Variants in ULK2 observed in about 807,000 individuals in gnomAD.
ULK2 encodes the protein unc-51 like autophagy activating kinase 2, also known as serine/threonine-protein kinase ULK2.
A neutral mutation model predicts 127.5 loss-of-function variants in ULK2; 76 were observed. That is an observed-to-expected ratio of 0.60 (90% CI 0.50 to 0.72). ULK2 has a LOEUF of 0.72. Ranked by LOEUF, ULK2 falls within the 30% of genes least tolerant of loss-of-function variation. The probability of loss-of-function intolerance (pLI) is 0.00; values close to 1 mark genes in which losing one functional copy is unlikely to be tolerated. For synonymous variants in ULK2, 452 were observed against 461.9 expected, an observed-to-expected ratio of 0.98 and a Z score of 0.28; for missense variants, 1,144 against 1,295.9, an observed-to-expected ratio of 0.88 and a Z score of 1.80.
Position 19,846,762 on chromosome 17 carries a change from A to G in ULK2, c.444T>C (p.Ser148=). 2 of 1,611,430 alleles carry G rather than the reference A, an allele frequency of 1.2e-6. No individual in the cohort carries two copies. Among genetic ancestry groups the G allele is most frequent in the Non-Finnish European group, 1.7e-6 (2 of 1,179,010 alleles). ...LLSYANRRKS[S]VSGIRIKIAD... ...CTATTTTGATGCGAATACCACTGAC[A>G]CTTGATTTTCTGCGATTGGCATAGG... is the stretch of plus-strand genomic sequence containing the variant. Residue 148 remains serine (S), a synonymous_variant, in exon 6 of 27, where the codon AGT becomes AGC. Transcript: ENST00000395544.
chr17:19,782,033 A>G lies in ULK2; in HGVS notation c.2495T>C (p.Val832Ala), dbSNP rs547164825. The change falls in exon 23 of 27, where the codon GTG (valine) becomes GCG (alanine). Residue 832 changes from valine (V) to alanine (A), a missense_variant. Val to Ala is a moderately conservative substitution (Grantham distance 64, BLOSUM62 0). Around this residue, in one of 2 missense-constraint regions of ULK2, gnomAD observed 913 missense variants for 970.5 expected, o/e 0.94. Transcript: ENST00000395544. Reference sequence around the variant, plus strand: ...CACACACTCAGTGAACATCAGCATCACATTCAGATGGCGTAAGGTGTCTGT... The same window carrying G: ...CACACACTCAGTGAACATCAGCATCGCATTCAGATGGCGTAAGGTGTCTGT... ...EHTDTLRHLN[V>A]MLMFTECVLD... The G allele has an allele frequency of 3.2e-5, 51 of 1,614,080 alleles. No individual in the cohort carries two copies. Among genetic ancestry groups the G allele is most frequent in the Non-Finnish European group, 4.2e-5 (50 of 1,180,040 alleles).
chr17:19,790,692 C>G (rs1264108353), intron 20 of ULK2, among the ~76,000 whole-genome samples: 1 of 152,108 alleles, frequency 6.6e-6, no homozygotes, highest in Admixed American at 6.5e-5. Flanking sequence ...AACTCTTCAG[C>G]CATGAGTTAA....
chr17:19,849,460 C>A, intron 4 of ULK2, 55 bp from the exon 5 acceptor site: 1 of 1,483,668 alleles, frequency 6.7e-7, no homozygotes, highest in South Asian at 1.2e-5. Context: ...AAGATTAATT[C>A]AATCCATTCT....
At chr17:19,851,796 G>A (rs999804974) in intron 3 of ULK2, among the ~76,000 whole-genome samples, 7 of 151,916 alleles carry the variant, frequency 4.6e-5, no homozygotes, top group African/African-American at 1.7e-4. Context: ...AGGCCAAGGC[G>A]GGTCGGATTA....
At position 19,843,227 on chromosome 17, in the gene ULK2, G is replaced by A; in HGVS notation, c.544-5C>T. 1 of 1,540,398 alleles carries A rather than the reference G, an allele frequency of 6.5e-7. No individual in the cohort carries two copies. The highest frequency in any genetic ancestry group is 8.7e-7 in the Non-Finnish European group (1 of 1,151,132). ...AGACATAATAACCTCAGGAGCCTGG[G>A]AACAGAAAAATTTAAGGGGCATGCC... On this transcript the variant is annotated splice_polypyrimidine_tract_variant and splice_region_variant and intron_variant, in intron 7 of 26. Coordinates refer to ENST00000395544, the MANE Select transcript of ULK2 (RefSeq NM_014683.4).
At chr17:19,782,121 C>T in intron 22 of ULK2, 54 bp from the exon 23 acceptor site, 1 of 1,543,710 alleles carries the variant, frequency 6.5e-7, no homozygotes, top group Non-Finnish European at 8.9e-7. Flanking sequence ...TACGTACATA[C>T]TCATTTCTGT....
intron 20 of ULK2, among the ~76,000 whole-genome samples, chr17:19,788,085 C>T (rs1178256183): frequency 6.6e-6 from 1 of 152,156 alleles, no homozygotes; most frequent in Non-Finnish European, 1.5e-5. Flanking sequence ...TTCTGCAAGC[C>T]TCACCACCAC....
At chr17:19,825,650 T>TGTG (rs2041270277) in intron 11 of ULK2, among the ~76,000 whole-genome samples, 1 of 150,114 alleles carries the variant, frequency 6.7e-6, no homozygotes, top group East Asian at 2.0e-4. Flanking sequence ...GCAGAGGTTG[T>TGTG]ACCACTGCAC....
In ULK2 at chr17:19,783,697, C is replaced by G; in HGVS notation, c.2460G>C (p.Glu820Asp). ...APELPEETLM[E>D]REHTDTLRHL... ...CACACCACTATAGTCTCTTTTCTACCTCCATCAGCGTCTCCTCCGGCAGTT... is the reference window on the plus strand; with the variant it reads ...CACACCACTATAGTCTCTTTTCTACGTCCATCAGCGTCTCCTCCGGCAGTT... The change falls in exon 22 of 27, where the codon GAG (glutamate) becomes GAC (aspartate). Residue 820 changes from glutamate to aspartate, a missense_variant and splice_region_variant. Coordinates refer to ENST00000395544, the MANE Select transcript of ULK2 (RefSeq NM_014683.4). The G allele has an allele frequency of 6.6e-7, 1 of 1,517,160 alleles. No individual in the cohort carries two copies. The highest frequency in any genetic ancestry group is 8.8e-7 in the Non-Finnish European group (1 of 1,130,092). 94.0% of individuals were successfully genotyped at this position (1,517,160 alleles called of 1,614,324 possible).
intron 1 of ULK2, among the ~76,000 whole-genome samples, chr17:19,866,610 G>A (rs2042356328): frequency 1.3e-5 from 2 of 152,184 alleles, no homozygotes; most frequent in African/African-American, 4.8e-5. Flanking sequence ...AATCAGAACT[G>A]CCACACCCTT....
intron 9 of ULK2, among the ~76,000 whole-genome samples, chr17:19,841,113 A>C (rs2041741828): frequency 6.6e-6 from 1 of 152,166 alleles, no homozygotes; most frequent in South Asian, 2.1e-4. Flanking sequence ...AAACACGTAT[A>C]AAGAACACCC....
chr17:19,801,101 T>C (rs952494961), intron 16 of ULK2, among the ~76,000 whole-genome samples: 2 of 151,098 alleles, frequency 1.3e-5, no homozygotes, highest in South Asian at 2.1e-4. Flanking sequence ...AGAGCTGCTA[T>C]ACAGTAATCC....
Position 19,782,059 on chromosome 17 carries a change from G to A in ULK2, c.2469C>T (p.His823=). 1 of 1,613,590 alleles carries A rather than the reference G, an allele frequency of 6.2e-7. No homozygotes were observed. Among genetic ancestry groups the A allele is most frequent in the Admixed American group, 1.7e-5 (1 of 59,868 alleles). Reference sequence around the variant, plus strand: ...CATTCAGATGGCGTAAGGTGTCTGTGTGTTCCCGCTGCAGCAAAGTCAATT... The same window carrying A: ...CATTCAGATGGCGTAAGGTGTCTGTATGTTCCCGCTGCAGCAAAGTCAATT... ...LPEETLMERE[H]TDTLRHLNVM... Residue 823 remains histidine (H), a synonymous_variant, in exon 23 of 27, where the codon CAC becomes CAT. Transcript: ENST00000395544.
chr17:19,771,827 G>C lies in ULK2; in HGVS notation c.*4522C>G, dbSNP rs1449612631. 1 of 152,212 alleles carries C rather than the reference G, an allele frequency of 6.6e-6. No individual in the cohort carries two copies. Among genetic ancestry groups the C allele is most frequent in the Non-Finnish European group, 1.5e-5 (1 of 68,058 alleles). The allele number at this position is 152,212 out of a possible 1,614,324, so 9.4% of individuals were successfully genotyped here. A position where few individuals can be genotyped will look rare whatever the true frequency, so the allele number is the denominator to read the frequency against. On this transcript the variant is annotated 3_prime_UTR_variant, in exon 27 of 27. Coordinates refer to ENST00000395544, the MANE Select transcript of ULK2 (RefSeq NM_014683.4). ...AAACCCCAAAGGAGGCATAGAACAC[G>C]GTTTCCAATAAACAAGAGCTCATGT...
At chr17:19,848,304 C>T (rs906185811) in intron 5 of ULK2, 1 of 152,150 alleles carries the variant, frequency 6.6e-6, no homozygotes. Context: ...ATTCGTGATG[C>T]ATGTCTGTCC....
At chr17:19,782,416 C>A (rs1230493090) in intron 22 of ULK2, among the ~76,000 whole-genome samples, 2 of 152,176 alleles carry the variant, frequency 1.3e-5, no homozygotes, top group African/African-American at 4.8e-5. Context: ...TACAAGGATA[C>A]TATAGGTGCT....
At position 19,804,236 on chromosome 17, in the gene ULK2, GA is replaced by G. The variant is rs5819689; in HGVS notation, c.1295+456del. On this transcript the variant is annotated intron_variant, in intron 15 of 26. Transcript: ENST00000395544. ...CGTCTCTAAAAGCACAAAAGAAAAA[GA>G]AAAAAAAAAAGAATAATCTATTCTT... Among the ~76,000 whole-genome samples the G allele has an allele frequency of 1.1e-4, 16 of 147,714 alleles. 1 individual carries two copies. Among genetic ancestry groups the G allele is most frequent in the African/African-American group, 3.7e-4 (15 of 40,308 alleles).
Position 19,785,663 on chromosome 17 carries a change from A to C in ULK2, c.2251+274T>G, listed in dbSNP as rs189508297. On this transcript the variant is annotated intron_variant, in intron 21 of 26. Transcript: ENST00000395544. The stretch of plus-strand genomic sequence containing the variant: ...GCTTCTTCACGAAGAAGTCATATTT[A>C]TACTATATGTCATTTTGTAAAAACA... 8.0e-3 allele frequency among the ~76,000 whole-genome samples: 1,222 copies of C among 152,164 alleles called. 6 individuals carry two copies. Among genetic ancestry groups the C allele is most frequent in the Non-Finnish European group, 0.013 (869 of 68,004 alleles).
chr17:19,826,292 T>C, intron 10 of ULK2, 106 bp from the exon 11 acceptor site: 1 of 563,980 alleles, frequency 1.8e-6, no homozygotes, highest in Non-Finnish European at 3.0e-6. Flanking sequence ...AGATCAGAAT[T>C]TAACTTCTTT....
Sources: gnomAD v4.1 joint callset for allele counts (sites outside exome capture counted in the v4.1 genomes callset) on GRCh38, gnomAD v4.1.1 for gene constraint, gnomAD v4.1.1 regional missense constraint, MANE v1.5 for transcripts, NCBI Gene and HGNC (gene_info 2026-07-23, HGNC 2026-07-21) for gene names.